The following RPS6KA5 variants were observed in gnomAD, a reference collection of about 807,000 sequenced individuals.
RPS6KA5 encodes ribosomal protein S6 kinase A5.
In RPS6KA5, 27 loss-of-function variants were observed where a neutral mutation model predicts 85.5. That is an observed-to-expected ratio of 0.32 (90% CI 0.23 to 0.44). The LOEUF is 0.44. RPS6KA5 is among the 20% of genes least tolerant of loss of function. The pLI, the probability that RPS6KA5 is intolerant of heterozygous loss-of-function variation, is 1.00. For synonymous variants in RPS6KA5, 334 were observed against 348.2 expected, an observed-to-expected ratio of 0.96 and a Z score of 0.46; for missense variants, 811 against 980.9, an observed-to-expected ratio of 0.83 and a Z score of 2.31.
intron 13 of RPS6KA5, among the ~76,000 whole-genome samples, chr14:90,893,340 T>G (rs183416798): frequency 1.3e-5 from 2 of 152,302 alleles, no homozygotes; most frequent in African/African-American, 4.8e-5. Context: ...AATTTACTTT[T>G]GATTAATTAC....
At chr14:90,915,607 GA>G (rs1182917913) in intron 7 of RPS6KA5, among the ~76,000 whole-genome samples, 1 of 152,140 alleles carries the variant, frequency 6.6e-6, no homozygotes, top group Non-Finnish European at 1.5e-5. Flanking sequence ...AGGAGTTTGA[GA>G]CCAGCCTGGC....
At chr14:90,936,194 A>T (rs2140333209) in intron 5 of RPS6KA5, among the ~76,000 whole-genome samples, 1 of 152,372 alleles carries the variant, frequency 6.6e-6, no homozygotes, top group Admixed American at 6.5e-5. Flanking sequence ...AATTTTTATT[A>T]TCATAAAATA....
intron 5 of RPS6KA5, among the ~76,000 whole-genome samples, chr14:90,926,478 C>T (rs1041312478): frequency 6.6e-6 from 1 of 151,714 alleles, no homozygotes; most frequent in South Asian, 2.1e-4. Context: ...TGCAAAAGTC[C>T]TAAGCAGATT....
intron 7 of RPS6KA5, among the ~76,000 whole-genome samples, chr14:90,908,508 G>C (rs1386501889): frequency 6.6e-6 from 1 of 152,128 alleles, no homozygotes; most frequent in Non-Finnish European, 1.5e-5. Context: ...ATATCACTTA[G>C]GCTCCCTGTT....
chr14:90,961,183 TATG>T (rs1204045405), intron 3 of RPS6KA5, among the ~76,000 whole-genome samples: 23 of 152,254 alleles, frequency 1.5e-4, no homozygotes, highest in African/African-American at 5.1e-4. Flanking sequence ...TCTAGTTAGA[TATG>T]ATGAATCTCA....
chr14:90,983,051 T>C (rs1257407634), intron 2 of RPS6KA5, among the ~76,000 whole-genome samples: 1 of 151,010 alleles, frequency 6.6e-6, no homozygotes, highest in Non-Finnish European at 1.5e-5. Context: ...AGGTGGAGCT[T>C]GCAGTGAGCC....
intron 2 of RPS6KA5, among the ~76,000 whole-genome samples, chr14:90,983,112 C>CA (rs71117392): frequency 5.9e-4 from 81 of 137,292 alleles, no homozygotes; most frequent in Non-Finnish European, 6.1e-4. Context: ...GATTCCATCT[C>CA]AAAAAAAAAA....
intron 7 of RPS6KA5, among the ~76,000 whole-genome samples, chr14:90,914,123 G>T (rs935860927): frequency 1.6e-4 from 25 of 152,052 alleles, no homozygotes; most frequent in African/African-American, 6.0e-4. Flanking sequence ...TGGGTTGACT[G>T]TAGCAGTAGA....
At chr14:90,991,656 C>G (rs2040310354) in intron 2 of RPS6KA5, among the ~76,000 whole-genome samples, 1 of 137,016 alleles carries the variant, frequency 7.3e-6, no homozygotes, top group African/African-American at 2.7e-5. Context: ...GAGCTGAGAT[C>G]ACACCACTGA....
intron 1 of RPS6KA5, among the ~76,000 whole-genome samples, chr14:91,043,117 A>G (rs1243214411): frequency 2.0e-5 from 3 of 152,112 alleles, no homozygotes; most frequent in Non-Finnish European, 4.4e-5. Flanking sequence ...CACCCCCTAA[A>G]GCATCTTTTC....
At chr14:91,019,799 C>A (rs910554203) in intron 1 of RPS6KA5, among the ~76,000 whole-genome samples, 1 of 152,186 alleles carries the variant, frequency 6.6e-6, no homozygotes, top group African/African-American at 2.4e-5. Context: ...CGGAACATAA[C>A]CTCATTGTAA....
At chr14:91,017,759 A>T (rs2041568048) in intron 1 of RPS6KA5, among the ~76,000 whole-genome samples, 1 of 152,198 alleles carries the variant, frequency 6.6e-6, no homozygotes, top group African/African-American at 2.4e-5. Flanking sequence ...CCACAACTGT[A>T]TACTCTGCTG....
chr14:90,904,140 A>G (rs567461438), intron 8 of RPS6KA5, among the ~76,000 whole-genome samples: 56 of 152,200 alleles, frequency 3.7e-4, no homozygotes, highest in South Asian at 1.7e-3. Context: ...TAGCAGAGAC[A>G]GGGTTTCACT....
chr14:91,003,331 C>T (rs2040867040), intron 1 of RPS6KA5, among the ~76,000 whole-genome samples: 1 of 151,870 alleles, frequency 6.6e-6, no homozygotes, highest in Non-Finnish European at 1.5e-5. Flanking sequence ...TTTTTTGATA[C>T]ACAGAATTAA....
intron 14 of RPS6KA5, among the ~76,000 whole-genome samples, chr14:90,885,372 T>G (rs1284480752): frequency 6.7e-6 from 1 of 149,642 alleles, no homozygotes; most frequent in Non-Finnish European, 1.5e-5. Flanking sequence ...GCCAACATGG[T>G]GAAACCTCGT....
At chr14:91,045,805 A>G (rs1429602381) in intron 1 of RPS6KA5, among the ~76,000 whole-genome samples, 1 of 152,052 alleles carries the variant, frequency 6.6e-6, no homozygotes, top group Non-Finnish European at 1.5e-5. Flanking sequence ...ATGACACTCA[A>G]TGTCTAAACT....
chr14:91,025,407 C>A (rs1489565634), intron 1 of RPS6KA5, among the ~76,000 whole-genome samples: 1 of 152,188 alleles, frequency 6.6e-6, no homozygotes, highest in African/African-American at 2.4e-5. Context: ...AACAAGACTA[C>A]TGCAGAAGAG....
intron 2 of RPS6KA5, among the ~76,000 whole-genome samples, chr14:90,980,842 C>T (rs376077024): frequency 5.9e-5 from 9 of 152,304 alleles, no homozygotes; most frequent in South Asian, 2.1e-4. Context: ...TTTTGCAAAA[C>T]GGCCCATTTT....
In RPS6KA5 at chr14:91,060,638, C is replaced by T. The variant is rs906468642; in HGVS notation, c.-204G>A. 1 of 628,088 alleles carries T rather than the reference C, an allele frequency of 1.6e-6. No homozygotes were observed. The highest frequency in any genetic ancestry group is 4.5e-5 in the Admixed American group (1 of 22,280). 38.9% of individuals were successfully genotyped at this position (628,088 alleles called of 1,614,324 possible). The stretch of plus-strand genomic sequence containing the variant: ...CCCCCTTCGGCGGGCACCGCTAGTA[C>T]CGCGCAACCAAACCGCCCCCTGCTC... On this transcript the variant is annotated 5_prime_UTR_variant, in exon 1 of 17. Transcript: ENST00000614987.
Sources: gnomAD v4.1 joint callset for allele counts (sites outside exome capture counted in the v4.1 genomes callset) on GRCh38, gnomAD v4.1.1 for gene constraint, MANE v1.5 for transcripts, NCBI Gene and HGNC (gene_info 2026-07-23, HGNC 2026-07-21) for gene names.